Variants in KCNQ2 observed in about 807,000 individuals in gnomAD.
The protein encoded by KCNQ2 is potassium voltage-gated channel subfamily KQT member 2.
A neutral mutation model predicts 84.8 loss-of-function variants in KCNQ2; 14 were observed. That is an observed-to-expected ratio of 0.17 (90% CI 0.11 to 0.26). KCNQ2 has a LOEUF of 0.26. KCNQ2 is among the 10% of genes least tolerant of loss of function. The pLI, the probability that KCNQ2 is intolerant of heterozygous loss-of-function variation, is 1.00. For synonymous variants in KCNQ2, 599 were observed against 554.1 expected (o/e 1.08, Z -1.14); for missense variants, 788 against 1,254.0 (o/e 0.63, Z 5.61).
intron 1 of KCNQ2, among the ~76,000 whole-genome samples, chr20:63,464,181 C>A (rs923948302): frequency 6.6e-6 from 1 of 152,142 alleles, no homozygotes; most frequent in African/African-American, 2.4e-5. Flanking sequence ...CACCACTCCC[C>A]CTGCGAGAGG....
intron 4 of KCNQ2, among the ~76,000 whole-genome samples, chr20:63,442,845 T>C (rs111212483): frequency 0.6 from 15,210 of 25,180 alleles, 3,685 homozygotes; most frequent in Non-Finnish European, 0.62. Context: ...ACCACCACCA[T>C]CACCATCACC....
intron 5 of KCNQ2, among the ~76,000 whole-genome samples, chr20:63,441,475 A>G: frequency 6.6e-6 from 1 of 152,146 alleles, no homozygotes; most frequent in Non-Finnish European, 1.5e-5. Context: ...TCTGACATTT[A>G]AAAATATACA....
rs1034057548 is a variant in KCNQ2 at position 63,461,623 on chromosome 20, A to G, written c.296+10545T>C. ...CCAAGAGTGGCCCCAGAGCCTAATC[A>G]GGTAGGAGGGCAGAAATATCACCTA... On this transcript the variant is annotated intron_variant, in intron 1 of 16. Coordinates refer to ENST00000359125, the MANE Select transcript of KCNQ2 (RefSeq NM_172107.4). Among the ~76,000 whole-genome samples, 9 of 152,272 alleles carry G rather than the reference A, an allele frequency of 5.9e-5. No homozygotes were observed. In the East Asian group the frequency reaches 1.7e-3, roughly 29 times the overall value.
In KCNQ2 at chr20:63,400,358, A is replaced by G; in HGVS notation, c.*6286T>C. 5.6e-6 allele frequency: 2 copies of G among 357,124 alleles called. No individual in the cohort carries two copies. The allele number at this position is 357,124 out of a possible 1,614,324, so 22.1% of individuals were successfully genotyped here. On this transcript the variant is annotated 3_prime_UTR_variant, in exon 17 of 17. Transcript: ENST00000359125. The surrounding 1 kb of genome is among the most constrained non-coding windows in gnomAD (Gnocchi z 8.7). ...GTCCCCCGCAAACCCGCACTGGCGC[A>G]TTCTTACGGCTCTGGCATCAACCTG...
rs780942181 is a variant in KCNQ2, at chr20:63,408,490, G to A, written c.1810C>T (p.Arg604Cys). The A allele has an allele frequency of 3.1e-6, 5 of 1,608,356 alleles. No homozygotes were observed. The highest frequency in any genetic ancestry group is 2.2e-5 in the South Asian group (2 of 90,304). The change falls in exon 16 of 17, where the codon CGC becomes TGC. Residue 604 changes from arginine to cysteine, a missense_variant. By Grantham distance (180) the Arg-to-Cys change is radical. Coordinates refer to ENST00000359125, the MANE Select transcript of KCNQ2 (RefSeq NM_172107.4). The surrounding 1 kb of genome is among the most constrained non-coding windows in gnomAD (Gnocchi z 5.0). The part of the protein sequence containing the change: ...GRGPAITDKD[R>C]TKGPAEAELP... Reference sequence around the variant, plus strand: ...TCCGCCTCGGCCGGGCCCTTGGTGCGGTCCTTGTCCGTGATCGCTGGGCCC... The same window carrying A: ...TCCGCCTCGGCCGGGCCCTTGGTGCAGTCCTTGTCCGTGATCGCTGGGCCC...
Position 63,404,282 on chromosome 20 carries a change from G to GT in KCNQ2, c.*2361_*2362insA, listed in dbSNP as rs1465933983. The stretch of plus-strand genomic sequence containing the variant: ...GGAAAGAGCAGGTGGGGCCATACTG[G>GT]GAGGGAGGAAAGAGCAGGTGGGGTC... On this transcript the variant is annotated 3_prime_UTR_variant, in exon 17 of 17. Transcript: ENST00000359125. 11 of 151,228 alleles carry GT rather than the reference G, an allele frequency of 7.3e-5. No individual in the cohort carries two copies. Among genetic ancestry groups the GT allele is most frequent in the African/African-American group, 2.4e-4 (10 of 41,000 alleles). The allele number at this position is 151,228 out of a possible 1,614,324, so 9.4% of individuals were successfully genotyped here. A position where few individuals can be genotyped will look rare whatever the true frequency, so the allele number is the denominator to read the frequency against.
At chr20:63,451,433 G>A (rs900512329) in intron 1 of KCNQ2, among the ~76,000 whole-genome samples, 1 of 152,206 alleles carries the variant, frequency 6.6e-6, no homozygotes, top group Non-Finnish European at 1.5e-5. Flanking sequence ...TGGAGTGGCC[G>A]TGACCGCAGC....
chr20:63,438,296 A>C lies in KCNQ2; in HGVS notation c.1023+329T>G. 6.7e-6 allele frequency: 3 copies of C among 450,638 alleles called. No homozygotes were observed. Among genetic ancestry groups the C allele is most frequent in the Admixed American group, 3.4e-5 (1 of 29,166 alleles). 27.9% of individuals were successfully genotyped at this position (450,638 alleles called of 1,614,324 possible). A position where few individuals can be genotyped will look rare whatever the true frequency, so the allele number is the denominator to read the frequency against. Reference sequence around the variant, plus strand: ...TGACTCACTGCAGTGTGTGGGCTCTAGGAGCCTTGGCCCTGCAGCTGCAGA... The same window carrying C: ...TGACTCACTGCAGTGTGTGGGCTCTCGGAGCCTTGGCCCTGCAGCTGCAGA... On this transcript the variant is annotated intron_variant, in intron 7 of 16. Coordinates refer to ENST00000359125, the MANE Select transcript of KCNQ2 (RefSeq NM_172107.4). This position sits in a 1 kb window ranked among gnomAD's most constrained non-coding sequence, Gnocchi z 5.1.
intron 8 of KCNQ2, among the ~76,000 whole-genome samples, chr20:63,431,727 A>G (rs1158750896): frequency 6.6e-6 from 1 of 152,184 alleles, no homozygotes; most frequent in East Asian, 1.9e-4. Context: ...TGACACCCTG[A>G]AAAGGCAGGT....
intron 1 of KCNQ2, among the ~76,000 whole-genome samples, chr20:63,469,231 C>T (rs1256742254): frequency 6.6e-6 from 1 of 152,194 alleles, no homozygotes; most frequent in Non-Finnish European, 1.5e-5. Context: ...CTAGTTCGGG[C>T]CATTTCTGCA....
At chr20:63,415,159 A>AT (rs2080250658) in intron 12 of KCNQ2, 33 bp from the exon 13 acceptor site, 1 of 1,573,260 alleles carries the variant, frequency 6.4e-7, no homozygotes, top group Non-Finnish European at 8.6e-7. Flanking sequence ...ACAGACAGAA[A>AT]AACAGGGAGA....
rs114553433 is a variant in KCNQ2 at position 63,430,058 on chromosome 20, C to T, written c.1148+1282G>A. Among the ~76,000 whole-genome samples the T allele has an allele frequency of 6.7e-3, 1,026 of 152,360 alleles. 11 individuals are homozygous for T. The highest frequency in any genetic ancestry group is 0.022 in the African/African-American group (900 of 41,588). On this transcript the variant is annotated intron_variant, in intron 9 of 16. Transcript: ENST00000359125. Reference sequence around the variant, plus strand: ...TGGGGGCCACAGGTGGCTCCCCACCCCTCCTTGATGGGACCCACACGCACG... The same window carrying T: ...TGGGGGCCACAGGTGGCTCCCCACCTCTCCTTGATGGGACCCACACGCACG...
At chr20:63,468,498 T>A (rs1197567687) in intron 1 of KCNQ2, among the ~76,000 whole-genome samples, 1 of 151,802 alleles carries the variant, frequency 6.6e-6, no homozygotes, top group Non-Finnish European at 1.5e-5. Flanking sequence ...AATGAAGGGG[T>A]GGGAAAGAGG....
rs760328515 is a variant in KCNQ2 at position 63,417,249 on chromosome 20, G to A, written c.1302-2123C>T. Among the ~76,000 whole-genome samples the A allele has an allele frequency of 5.5e-4, 84 of 152,326 alleles. 1 individual carries two copies. Among genetic ancestry groups the A allele is most frequent in the Non-Finnish European group, 1.1e-3 (73 of 68,026 alleles). On this transcript the variant is annotated intron_variant, in intron 12 of 16. Coordinates refer to ENST00000359125, the MANE Select transcript of KCNQ2 (RefSeq NM_172107.4). ...GGAGAACCGGACGGGGGCCAGGGGA[G>A]CACATGGGCACAGGCTCAGCGGGAC...
intron 1 of KCNQ2, among the ~76,000 whole-genome samples, chr20:63,454,730 A>T (rs2081724820): frequency 6.6e-6 from 1 of 152,172 alleles, no homozygotes; most frequent in Non-Finnish European, 1.5e-5. Context: ...GAACCAGGGG[A>T]GGGAGAGGGC....
chr20:63,467,584 C>T (rs1309003301), intron 1 of KCNQ2, among the ~76,000 whole-genome samples: 4 of 152,232 alleles, frequency 2.6e-5, no homozygotes, highest in Non-Finnish European at 5.9e-5. Flanking sequence ...AGCTGCCAGA[C>T]GGACTTGCTG....
intron 1 of KCNQ2, among the ~76,000 whole-genome samples, chr20:63,464,306 C>G (rs993820454): frequency 6.6e-6 from 1 of 151,914 alleles, no homozygotes; most frequent in Non-Finnish European, 1.5e-5. Flanking sequence ...CCACTCAAGC[C>G]GATGTCTCCT....
At chr20:63,469,696 G>A (rs927416398) in intron 1 of KCNQ2, among the ~76,000 whole-genome samples, 5 of 152,274 alleles carry the variant, frequency 3.3e-5, no homozygotes, top group African/African-American at 1.2e-4. Context: ...AGGAGCCCTG[G>A]CCTTCCCCCC....
At chr20:63,437,067 C>T (rs968502263) in intron 7 of KCNQ2, among the ~76,000 whole-genome samples, 12 of 152,208 alleles carry the variant, frequency 7.9e-5, no homozygotes, top group South Asian at 4.1e-4. Flanking sequence ...GTGGGAGCCA[C>T]GGTGCCCAGC....
Sources: allele counts gnomAD v4.1 joint callset (sites outside exome capture counted in the v4.1 genomes callset), GRCh38; gene constraint gnomAD v4.1.1; non-coding constraint Gnocchi (gnomAD v3.1); transcripts MANE v1.5; gene names NCBI Gene and HGNC (gene_info 2026-07-23, HGNC 2026-07-21).